The following TSHZ2 variants were observed in gnomAD, a reference collection of about 807,000 sequenced individuals.
TSHZ2 encodes teashirt homolog 2.
A neutral mutation model predicts 74.4 loss-of-function variants in TSHZ2; 21 were observed. The observed-to-expected ratio is 0.28, with a 90% confidence interval of 0.20 to 0.41. The LOEUF (loss-of-function observed/expected upper bound fraction) is 0.41. TSHZ2 is among the 10% of genes least tolerant of loss of function. The pLI is 1.00. For synonymous variants in TSHZ2, 540 were observed against 515.3 expected (o/e 1.05, Z -0.65); for missense variants, 1,244 against 1,293.5 (o/e 0.96, Z 0.59).
intron 1 of TSHZ2, among the ~76,000 whole-genome samples, chr20:53,069,814 ACTT>A (rs1985115067): frequency 6.6e-6 from 1 of 151,990 alleles, no homozygotes; most frequent in Non-Finnish European, 1.5e-5. Context: ...AAAAAAGATG[ACTT>A]CTTATTAACA....
Position 53,343,819 on chromosome 20 carries a change from C to T in TSHZ2, c.*8+87248C>T, listed in dbSNP as rs575444368. On this transcript the variant is annotated intron_variant, in intron 2 of 2. Transcript: ENST00000371497. ...CTTCCCTTTCTAACAGGCTGGGCCC[C>T]AGGTGATCCTAAAAATTAAATGAAG... 3.3e-5 allele frequency among the ~76,000 whole-genome samples: 5 copies of T among 152,300 alleles called. No homozygotes were observed. In the South Asian group the frequency reaches 1.0e-3, roughly 32 times the overall value.
At chr20:53,462,159 T>C (rs1600660280) in intron 2 of TSHZ2, among the ~76,000 whole-genome samples, 1 of 151,410 alleles carries the variant, frequency 6.6e-6, no homozygotes. Context: ...GAGGTTGAGG[T>C]GGAAGAATCA....
chr20:53,310,584 C>T (rs1216585883), intron 2 of TSHZ2, among the ~76,000 whole-genome samples: 1 of 152,186 alleles, frequency 6.6e-6, no homozygotes, highest in Non-Finnish European at 1.5e-5. Context: ...TGGGGAAAGA[C>T]CCACTTCCAA....
At chr20:53,033,700 C>T (rs1983724551) in intron 1 of TSHZ2, among the ~76,000 whole-genome samples, 1 of 118,596 alleles carries the variant, frequency 8.4e-6, no homozygotes, top group South Asian at 2.9e-4. Context: ...TGCTGTGTCA[C>T]CCAGGCTGGA....
intron 2 of TSHZ2, among the ~76,000 whole-genome samples, chr20:53,417,239 CAG>C (rs1472719986): frequency 3.5e-5 from 4 of 114,332 alleles, no homozygotes; most frequent in East Asian, 2.9e-4. Flanking sequence ...CAGACACACA[CAG>C]ACACACACAC....
intron 1 of TSHZ2, among the ~76,000 whole-genome samples, chr20:53,215,273 C>T (rs1445412852): frequency 3.3e-5 from 5 of 152,078 alleles, no homozygotes; most frequent in South Asian, 4.2e-4. Context: ...CACCACTTCC[C>T]GGGATTCCAG....
chr20:53,192,295 A>AT (rs1295558755), intron 1 of TSHZ2, among the ~76,000 whole-genome samples: 1 of 137,986 alleles, frequency 7.2e-6, no homozygotes, highest in Non-Finnish European at 1.6e-5. Context: ...CTCTGGCTAA[A>AT]AAAAAAAAAA....
intron 2 of TSHZ2, among the ~76,000 whole-genome samples, chr20:53,266,459 G>T (rs1200660845): frequency 6.6e-6 from 1 of 152,088 alleles, no homozygotes; most frequent in Admixed American, 6.6e-5. Flanking sequence ...CCACTTACAG[G>T]ATCACTTTCT....
At chr20:53,445,403 G>A (rs1984510638) in intron 2 of TSHZ2, among the ~76,000 whole-genome samples, 1 of 152,116 alleles carries the variant, frequency 6.6e-6, no homozygotes, top group African/African-American at 2.4e-5. Context: ...ATCTTAACTG[G>A]AGCCATGTTC....
At chr20:53,273,586 G>A (rs1245733304) in intron 2 of TSHZ2, among the ~76,000 whole-genome samples, 1 of 152,172 alleles carries the variant, frequency 6.6e-6, no homozygotes, top group Non-Finnish European at 1.5e-5. Context: ...ACCACGCCCA[G>A]CCTACTTTCA....
chr20:53,011,132 G>A (rs983385376), intron 1 of TSHZ2, among the ~76,000 whole-genome samples: 2 of 152,164 alleles, frequency 1.3e-5, no homozygotes, highest in Non-Finnish European at 2.9e-5. Context: ...TACTGATCCA[G>A]CTTGGCCTGA....
At chr20:53,427,399 C>T (rs1288163334) in intron 2 of TSHZ2, among the ~76,000 whole-genome samples, 12 of 152,108 alleles carry the variant, frequency 7.9e-5, no homozygotes, top group Admixed American at 6.5e-4. Flanking sequence ...CCTACCCTTC[C>T]GGGTTGCATG....
At chr20:52,973,551 CT>C (rs1303272609) in intron 1 of TSHZ2, among the ~76,000 whole-genome samples, 2 of 152,206 alleles carry the variant, frequency 1.3e-5, no homozygotes, top group Admixed American at 6.5e-5. Flanking sequence ...CCCACCAAGC[CT>C]TTCCTCCTTA....
intron 2 of TSHZ2, among the ~76,000 whole-genome samples, chr20:53,427,079 G>A (rs763638172): frequency 1.2e-4 from 19 of 152,180 alleles, no homozygotes; most frequent in Non-Finnish European, 2.4e-4. Context: ...CTGGAGCGCC[G>A]TGAAGCTCGC....
intron 2 of TSHZ2, among the ~76,000 whole-genome samples, chr20:53,344,526 G>A (rs2145575101): frequency 6.6e-6 from 1 of 152,194 alleles, no homozygotes; most frequent in Non-Finnish European, 1.5e-5. Flanking sequence ...CTGGCCAAAA[G>A]TCAAGCTGAT....
At chr20:53,364,862 C>T (rs1384343836) in intron 2 of TSHZ2, among the ~76,000 whole-genome samples, 1 of 152,254 alleles carries the variant, frequency 6.6e-6, no homozygotes, top group Non-Finnish European at 1.5e-5. Context: ...TGCCTGATTA[C>T]TTCTAATGAC....
chr20:53,084,515 A>G (rs936245973), intron 1 of TSHZ2, among the ~76,000 whole-genome samples: 3 of 152,218 alleles, frequency 2.0e-5, no homozygotes, highest in African/African-American at 7.2e-5. Flanking sequence ...AGTGAGGAGC[A>G]TTCTGATTAT....
chr20:53,475,187 C>A (rs1985955863), intron 2 of TSHZ2, among the ~76,000 whole-genome samples: 1 of 139,630 alleles, frequency 7.2e-6, no homozygotes, highest in South Asian at 2.4e-4. Flanking sequence ...CTCTCCACCC[C>A]AAATCAACAG....
At chr20:53,308,481 A>G (rs1361359596) in intron 2 of TSHZ2, among the ~76,000 whole-genome samples, 5 of 152,134 alleles carry the variant, frequency 3.3e-5, no homozygotes, top group African/African-American at 1.2e-4. Context: ...GAAAATAAGC[A>G]AAGGACTCAG....
Sources: allele counts gnomAD v4.1 joint callset (sites outside exome capture counted in the v4.1 genomes callset), GRCh38; gene constraint gnomAD v4.1.1; transcripts MANE v1.5; gene names NCBI Gene and HGNC (gene_info 2026-07-23, HGNC 2026-07-21).